The following PML variants were observed in gnomAD, a reference collection of about 807,000 sequenced individuals.
The protein encoded by PML is PML nuclear body scaffold.
Under a neutral mutation model 65.2 loss-of-function variants are expected in PML, and 28 were observed. That is an observed-to-expected ratio of 0.43 (90% CI 0.32 to 0.59). The LOEUF is 0.59. Among genes scored for constraint, PML ranks in the 20% least tolerant of loss-of-function variants. The pLI, the probability that PML is intolerant of heterozygous loss-of-function variation, is 0.08. For missense variants in PML, 1,021 were observed against 1,203.4 expected (o/e 0.85, Z 2.24); for synonymous variants, 500 against 508.8 (o/e 0.98, Z 0.23).
intron 6 of PML, 156 bp downstream of exon 6, chr15:74,033,570 G>C (rs1392096685): frequency 2.4e-6 from 2 of 823,056 alleles, no homozygotes; most frequent in South Asian, 2.8e-5. Flanking sequence ...TGTGCGTGGG[G>C]GTGAGAGTGG....
chr15:74,037,280 G>A lies in PML; in HGVS notation c.1710+2750G>A. On this transcript the variant is annotated intron_variant, in intron 7 of 8. Transcript: ENST00000268058. The surrounding 1 kb of genome is among the most constrained non-coding windows in gnomAD (Gnocchi z 4.2). Reference sequence around the variant, plus strand: ...GGAGCTCTCCAATGGCATAGGGACAGTTGACATCTTGCTATTTACAGATCC... The same window carrying A: ...GGAGCTCTCCAATGGCATAGGGACAATTGACATCTTGCTATTTACAGATCC... The A allele has an allele frequency of 1.0e-6, 1 of 985,402 alleles. No individual in the cohort carries two copies. The highest frequency in any genetic ancestry group is 1.2e-6 in the Non-Finnish European group (1 of 829,906). The allele number at this position is 985,402 out of a possible 1,614,324, so 61.0% of individuals were successfully genotyped here.
At chr15:74,039,958 G>C (rs960011857) in intron 7 of PML, among the ~76,000 whole-genome samples, 2 of 152,168 alleles carry the variant, frequency 1.3e-5, no homozygotes, top group African/African-American at 4.8e-5. Flanking sequence ...ACGACTGTTA[G>C]ACCTGCTGTG....
At chr15:74,026,075 A>G (rs1467326093) in intron 4 of PML, 2 of 152,246 alleles carry the variant, frequency 1.3e-5, no homozygotes, top group Non-Finnish European at 2.9e-5. Flanking sequence ...TTTTTTTCAC[A>G]GAGGACGAAG....
intron 2 of PML, among the ~76,000 whole-genome samples, chr15:74,020,287 C>CTT (rs1187914506): frequency 3.6e-4 from 42 of 116,266 alleles, no homozygotes; most frequent in African/African-American, 7.3e-4. Flanking sequence ...TGACTTATTC[C>CTT]TTTTTTTTTT....
intron 2 of PML, among the ~76,000 whole-genome samples, chr15:74,015,363 G>A (rs12904213): frequency 0.5 from 75,637 of 151,994 alleles, 19,349 homozygotes; most frequent in Non-Finnish European, 0.56. Context: ...GTAGTTACTT[G>A]AATTTCCAAA....
Position 74,006,714 on chromosome 15 carries a change from T to C in PML, c.602+8238T>C, listed in dbSNP as rs1025553594. Among the ~76,000 whole-genome samples, 5 of 152,328 alleles carry C rather than the reference T, an allele frequency of 3.3e-5. No homozygotes were observed. In the East Asian group the frequency reaches 9.6e-4, roughly 29 times the overall value. ...AGAAAAGAGGTTTATTTGGCTCATG[T>C]TCTGCATGCTGTACAATCATGGCAC... On this transcript the variant is annotated intron_variant, in intron 2 of 8. Coordinates refer to ENST00000268058, the MANE Select transcript of PML (RefSeq NM_033238.3).
chr15:74,023,914 T>G (rs1236566869), intron 3 of PML, among the ~76,000 whole-genome samples: 1 of 152,202 alleles, frequency 6.6e-6, no homozygotes, highest in Non-Finnish European at 1.5e-5. Flanking sequence ...ACCTGCTGTC[T>G]GCCAACCTTT....
In PML at chr15:74,042,281, C is replaced by T. The variant is rs1395980150; in HGVS notation, c.1711-708C>T. The stretch of plus-strand genomic sequence containing the variant: ...AAGCTGCTGGGGCAGATGCCAAGAG[C>T]CTCCACTGCTCTCTCACTGCCAAGG... On this transcript the variant is annotated intron_variant, in intron 7 of 8. Coordinates refer to ENST00000268058, the MANE Select transcript of PML (RefSeq NM_033238.3). The surrounding 1 kb of genome is among the most constrained non-coding windows in gnomAD (Gnocchi z 5.3). 1 of 817,334 alleles carries T rather than the reference C, an allele frequency of 1.2e-6. No individual in the cohort carries two copies. The highest frequency in any genetic ancestry group is 1.9e-5 in the African/African-American group (1 of 53,978). 50.6% of individuals were successfully genotyped at this position (817,334 alleles called of 1,614,324 possible).
chr15:74,037,510 C>T lies in PML; in HGVS notation c.1710+2980C>T. 2 of 985,242 alleles carry T rather than the reference C, an allele frequency of 2.0e-6. No individual in the cohort carries two copies. The highest frequency in any genetic ancestry group is 2.4e-6 in the Non-Finnish European group (2 of 829,828). The allele number at this position is 985,242 out of a possible 1,614,324, so 61.0% of individuals were successfully genotyped here. On this transcript the variant is annotated intron_variant, in intron 7 of 8. Coordinates refer to ENST00000268058, the MANE Select transcript of PML (RefSeq NM_033238.3). This position sits in a 1 kb window ranked among gnomAD's most constrained non-coding sequence, Gnocchi z 4.2. Reference sequence around the variant, plus strand: ...TTCTCATCTCAGAAAACTCCACCCACTTCTCTCTCCAGCTGTCGGCTCCCC... The same window carrying T: ...TTCTCATCTCAGAAAACTCCACCCATTTCTCTCTCCAGCTGTCGGCTCCCC...
intron 1 of PML, 68 bp downstream of exon 1, chr15:73,995,009 G>A: frequency 2.2e-6 from 3 of 1,389,898 alleles, no homozygotes; most frequent in Non-Finnish European, 2.9e-6. Flanking sequence ...GAGGCGGGAA[G>A]AGAGGGTCTA....
At chr15:73,996,868 G>T (rs1056181957) in intron 1 of PML, among the ~76,000 whole-genome samples, 1 of 152,198 alleles carries the variant, frequency 6.6e-6, no homozygotes, top group African/African-American at 2.4e-5. Context: ...GATATTTCAT[G>T]TAAGTGGAAT....
In PML at chr15:74,044,476, G is replaced by C; in HGVS notation, c.2117G>C (p.Gly706Ala). 6.2e-7 allele frequency: 1 copy of C among 1,614,062 alleles called. No individual in the cohort carries two copies. The highest frequency in any genetic ancestry group is 8.5e-7 in the Non-Finnish European group (1 of 1,179,976). The change falls in exon 9 of 9, where the codon GGC becomes GCC. Residue 706 changes from glycine to alanine, a missense_variant. Physicochemically the swap from Gly to Ala is moderately conservative, Grantham distance 60. Transcript: ENST00000268058. Reference sequence around the variant, plus strand: ...TGGGAATTCCAGGAGGCCATCTCGGGCTTCCTGGCTGCCCTGCCTCTCATC... The same window carrying C: ...TGGGAATTCCAGGAGGCCATCTCGGCCTTCCTGGCTGCCCTGCCTCTCATC... ...RLWEFQEAIS[G>A]FLAALPLIRE...
chr15:74,038,097 T>C (rs981724744), intron 7 of PML, among the ~76,000 whole-genome samples: 9 of 152,280 alleles, frequency 5.9e-5, no homozygotes, highest in African/African-American at 2.2e-4. Context: ...TTGAGTCTTG[T>C]CTTTCTAGGG....
intron 2 of PML, among the ~76,000 whole-genome samples, chr15:74,001,546 G>A (rs1178228927): frequency 3.9e-5 from 6 of 151,944 alleles, no homozygotes. Context: ...TCCCCATGTT[G>A]ACCAGGCTGG....
At chr15:74,027,401 A>C (rs1018313756) in intron 4 of PML, 1 of 152,174 alleles carries the variant, frequency 6.6e-6, no homozygotes, top group Non-Finnish European at 1.5e-5. Flanking sequence ...AAAGTGTAAA[A>C]ATCAGCCAGG....
intron 2 of PML, among the ~76,000 whole-genome samples, chr15:74,018,335 AAAG>A (rs1419048524): frequency 2.6e-5 from 4 of 151,610 alleles, no homozygotes; most frequent in African/African-American, 9.7e-5. Flanking sequence ...AAAAAAAAAA[AAAG>A]AAAAGAAAAA....
intron 2 of PML, among the ~76,000 whole-genome samples, chr15:74,002,393 G>A: frequency 6.7e-6 from 1 of 149,062 alleles, no homozygotes; most frequent in Non-Finnish European, 1.5e-5. Context: ...TAGTGCTTGT[G>A]TGTGTGTGTG....
chr15:74,036,849 C>T, intron 7 of PML: 2 of 794,202 alleles, frequency 2.5e-6, no homozygotes, highest in Non-Finnish European at 3.1e-6. Context: ...GTGCCCTGCA[C>T]CTTGCCATCA....
chr15:74,025,195 A>G (rs2071019399), intron 4 of PML: 1 of 503,790 alleles, frequency 2.0e-6, no homozygotes, highest in Non-Finnish European at 3.6e-6. Context: ...TGGGGTAGAC[A>G]GTCGGCCACA....
Sources: gnomAD v4.1 joint callset for allele counts (sites outside exome capture counted in the v4.1 genomes callset) on GRCh38, gnomAD v4.1.1 for gene constraint, Gnocchi (gnomAD v3.1) non-coding constraint, MANE v1.5 for transcripts, NCBI Gene and HGNC (gene_info 2026-07-23, HGNC 2026-07-21) for gene names.